FABP12: variants seen among roughly 807,000 people sequenced by gnomAD.
FABP12 encodes the protein fatty acid-binding protein 12.
In FABP12, 19 loss-of-function variants were observed where a neutral mutation model predicts 13.7. The ratio of observed to expected loss-of-function variants is 1.39; its 90% confidence interval spans 0.97 to 2.04. The LOEUF (loss-of-function observed/expected upper bound fraction) is 2.04, where lower values mean the gene tolerates loss of function less well. FABP12 is among the 30% of genes most tolerant of loss of function. The pLI, the probability that FABP12 is intolerant of heterozygous loss-of-function variation, is 0.00. For synonymous variants in FABP12, 61 were observed against 57.0 expected (o/e 1.07, Z -0.32); for missense variants, 182 against 164.2 (o/e 1.11, Z -0.59).
At chr8:81,525,487 G>A (rs1287356975) in intron 4 of FABP12, among the ~76,000 whole-genome samples, 1 of 150,156 alleles carries the variant, frequency 6.7e-6, no homozygotes, top group Non-Finnish European at 1.5e-5. Context: ...CTGCACTCCA[G>A]CCTGGATGAC....
chr8:81,539,222 T>C (rs558055626), intron 2 of FABP12, among the ~76,000 whole-genome samples: 2 of 152,252 alleles, frequency 1.3e-5, no homozygotes, highest in South Asian at 2.1e-4. Context: ...ATTGTCTTTA[T>C]TACACAGAAT....
At chr8:81,564,464 A>C (rs1199457158) in intron 1 of FABP12, among the ~76,000 whole-genome samples, 1 of 152,130 alleles carries the variant, frequency 6.6e-6, no homozygotes, top group East Asian at 1.9e-4. Flanking sequence ...AACCAACAAA[A>C]ATAACTACAA....
chr8:81,566,275 C>A (rs774368565), intron 1 of FABP12, among the ~76,000 whole-genome samples: 5 of 151,920 alleles, frequency 3.3e-5, no homozygotes, highest in Non-Finnish European at 5.9e-5. Context: ...TCAAACTATT[C>A]CAAAAAATAG....
At chr8:81,568,965 GGGT>G (rs1208270557) in intron 1 of FABP12, among the ~76,000 whole-genome samples, 2 of 152,280 alleles carry the variant, frequency 1.3e-5, no homozygotes, top group Non-Finnish European at 2.9e-5. Context: ...AGGCTAAGAA[GGGT>G]GGTGGTGGAT....
At chr8:81,538,532 G>A (rs541377589), upstream of FABP12, among the ~76,000 whole-genome samples, 11 of 152,214 alleles carry the variant, frequency 7.2e-5, no homozygotes, top group African/African-American at 2.6e-4. Flanking sequence ...AAGACATATG[G>A]AGACAAAAGA....
intron 1 of FABP12, among the ~76,000 whole-genome samples, chr8:81,573,491 A>G (rs556749615): frequency 4.6e-5 from 7 of 152,176 alleles, no homozygotes; most frequent in Non-Finnish European, 2.9e-5. Flanking sequence ...GTGAAGAATG[A>G]TGGTGGTATT....
intron 1 of FABP12, among the ~76,000 whole-genome samples, chr8:81,564,620 T>C (rs1809784306): frequency 6.6e-6 from 1 of 152,088 alleles, no homozygotes; most frequent in Non-Finnish European, 1.5e-5. Context: ...TTGTCATCAG[T>C]TTAAAATAAT....
chr8:81,574,526 G>T (rs1039906912), intron 1 of FABP12, among the ~76,000 whole-genome samples: 1 of 151,968 alleles, frequency 6.6e-6, no homozygotes, highest in Admixed American at 6.6e-5. Flanking sequence ...CAATAGGATC[G>T]GTACCAATTC....
At chr8:81,546,070 A>G (rs974907711) in intron 1 of FABP12, among the ~76,000 whole-genome samples, 1 of 152,188 alleles carries the variant, frequency 6.6e-6, no homozygotes, top group African/African-American at 2.4e-5. Flanking sequence ...TGACTTCATC[A>G]TACACTGTCC....
intron 1 of FABP12, among the ~76,000 whole-genome samples, chr8:81,564,356 TAGAA>T (rs916635993): frequency 1.3e-5 from 2 of 152,076 alleles, no homozygotes; most frequent in African/African-American, 4.8e-5. Flanking sequence ...TCACTGGTAA[TAGAA>T]AGTACACAGA....
chr8:81,550,566 T>C (rs1031580608), intron 1 of FABP12, among the ~76,000 whole-genome samples: 2 of 152,096 alleles, frequency 1.3e-5, no homozygotes, highest in African/African-American at 4.8e-5. Flanking sequence ...AAGAACAAGG[T>C]TGGGTAAGGA....
At chr8:81,528,864 A>G (rs1808980634) in intron 3 of FABP12, among the ~76,000 whole-genome samples, 1 of 152,200 alleles carries the variant, frequency 6.6e-6, no homozygotes, top group African/African-American at 2.4e-5. Context: ...GGATGTCCAC[A>G]GGTGGTAGTT....
intron 1 of FABP12, among the ~76,000 whole-genome samples, chr8:81,578,635 G>A (rs542970801): frequency 2.0e-5 from 3 of 151,086 alleles, no homozygotes; most frequent in South Asian, 2.1e-4. Flanking sequence ...ACAGGCACAC[G>A]CCACCATGCC....
At chr8:81,569,157 AC>A (rs926398728) in intron 1 of FABP12, among the ~76,000 whole-genome samples, 1 of 152,154 alleles carries the variant, frequency 6.6e-6, no homozygotes, top group African/African-American at 2.4e-5. Flanking sequence ...GGTGATGGAT[AC>A]CCCCTTAACC....
At chr8:81,581,116 G>C (rs1353602517) in intron 1 of FABP12, among the ~76,000 whole-genome samples, 1 of 152,188 alleles carries the variant, frequency 6.6e-6, no homozygotes, top group African/African-American at 2.4e-5. Context: ...ATTGAGAAGA[G>C]TCTGTTGCTG....
intron 3 of FABP12, among the ~76,000 whole-genome samples, chr8:81,528,008 A>T (rs575001041): frequency 2.6e-5 from 4 of 152,136 alleles, no homozygotes; most frequent in Non-Finnish European, 5.9e-5. Flanking sequence ...AACTCCCATT[A>T]TATGAGCTTA....
exon 2 of FABP12, chr8:81,531,296 C>G: frequency 6.2e-7 from 1 of 1,603,394 alleles, no homozygotes; most frequent in African/African-American, 1.3e-5. Context: ...CTTCCATGTT[C>G]CTTGGAGCTG....
At chr8:81,546,626 A>T (rs1563548341) in intron 1 of FABP12, among the ~76,000 whole-genome samples, 1 of 152,204 alleles carries the variant, frequency 6.6e-6, no homozygotes, top group Non-Finnish European at 1.5e-5. Context: ...ACTGCACTCC[A>T]GCCTGGGTGA....
intron 1 of FABP12, among the ~76,000 whole-genome samples, chr8:81,578,038 A>G (rs1390832348): frequency 6.6e-6 from 1 of 152,226 alleles, no homozygotes; most frequent in East Asian, 1.9e-4. Flanking sequence ...ATATTAAAAA[A>G]TTATTCTGAC....
Sources: gnomAD v4.1 joint callset for allele counts (sites outside exome capture counted in the v4.1 genomes callset) on GRCh38, gnomAD v4.1.1 for gene constraint, MANE v1.5 for transcripts, NCBI Gene and HGNC (gene_info 2026-07-23, HGNC 2026-07-21) for gene names.